The following POLR2B variants were observed in gnomAD, a reference collection of about 807,000 sequenced individuals.
The protein encoded by POLR2B is RNA polymerase II subunit B.
Under a neutral mutation model 144.6 loss-of-function variants are expected in POLR2B, and 57 were observed. The observed-to-expected ratio is 0.39, with a 90% CI of 0.32 to 0.49. POLR2B has a LOEUF of 0.49. POLR2B is among the 20% of genes least tolerant of loss of function. The pLI is 0.83. For synonymous variants in POLR2B, 442 were observed against 469.8 expected, an observed-to-expected ratio of 0.94 and a Z score of 0.77; for missense variants, 595 against 1,467.4, an observed-to-expected ratio of 0.41 and a Z score of 9.71.
At chr4:57,016,555 A>G (rs1723372082) in intron 14 of POLR2B, among the ~76,000 whole-genome samples, 1 of 151,822 alleles carries the variant, frequency 6.6e-6, no homozygotes, top group Non-Finnish European at 1.5e-5. Flanking sequence ...ATTAAAATCT[A>G]TTAATAGTAA....
chr4:56,988,560 G>A (rs577662981), intron 2 of POLR2B, among the ~76,000 whole-genome samples: 11 of 152,194 alleles, frequency 7.2e-5, no homozygotes, highest in African/African-American at 2.4e-4. Flanking sequence ...TTTTCATTGT[G>A]CCTGAGGTGA....
intron 18 of POLR2B, 77 bp downstream of exon 18, chr4:57,022,323 G>T (rs1723578613): frequency 9.5e-6 from 8 of 840,276 alleles, no homozygotes; most frequent in Non-Finnish European, 1.6e-5. Context: ...TTGATGGGTT[G>T]TGTCACCCTG....
chr4:56,991,206 T>C (rs1402731280), intron 3 of POLR2B, among the ~76,000 whole-genome samples: 1 of 152,184 alleles, frequency 6.6e-6, no homozygotes, highest in Non-Finnish European at 1.5e-5. Context: ...CGCTTTTTTC[T>C]CTCACAGTGT....
intron 3 of POLR2B, among the ~76,000 whole-genome samples, chr4:56,992,928 A>C (rs981406791): frequency 2.2e-4 from 34 of 152,262 alleles, no homozygotes; most frequent in Admixed American, 9.8e-4. Context: ...ATGAGGAATT[A>C]CTGAGAGACT....
chr4:56,999,417 C>T (rs575174058), intron 6 of POLR2B, among the ~76,000 whole-genome samples, 200 bp from the exon 7 acceptor site: 1 of 151,614 alleles, frequency 6.6e-6, no homozygotes, highest in Admixed American at 6.6e-5. Context: ...GTCTAAGTGA[C>T]CTGAGCCTGT....
chr4:56,987,171 A>C (rs1254879637), intron 2 of POLR2B, among the ~76,000 whole-genome samples: 2 of 152,214 alleles, frequency 1.3e-5, no homozygotes, highest in African/African-American at 4.8e-5. Flanking sequence ...TCAGTGCATC[A>C]TATCAGGAGG....
chr4:56,999,554 G>T, intron 6 of POLR2B, 63 bp from the exon 7 acceptor site: 1 of 1,041,040 alleles, frequency 9.6e-7, no homozygotes, highest in Non-Finnish European at 1.4e-6. Flanking sequence ...TAGTTCTCTT[G>T]GTGTTTTTAT....
intron 22 of POLR2B, 55 bp downstream of exon 22, chr4:57,025,054 A>G (rs746793716): frequency 1.2e-6 from 1 of 839,318 alleles, no homozygotes; most frequent in Non-Finnish European, 2.0e-6. Flanking sequence ...GTATGTGTGT[A>G]GTTTTATTCT....
intron 1 of POLR2B, chr4:56,985,323 A>C (rs1722285162): frequency 1.0e-6 from 1 of 985,302 alleles, no homozygotes; most frequent in Non-Finnish European, 1.2e-6. Flanking sequence ...GAGGAGGCGG[A>C]CCGCCCATTC....
chr4:56,987,367 A>C (rs1444973911), intron 2 of POLR2B, among the ~76,000 whole-genome samples: 9 of 146,638 alleles, frequency 6.1e-5, no homozygotes, highest in Non-Finnish European at 1.3e-4. Context: ...TGATAAAGTA[A>C]CATCCTGTAA....
Position 56,994,842 on chromosome 4 carries a change from T to G in POLR2B, c.552T>G (p.Tyr184Ter). ...LNECPLDPGG[Y>*]FIINGSEKVL... ...AATGCCCTTTGGATCCTGGTGGCTATTTCATTATTAATGGATCAGAAAAGG... is the reference window on the plus strand; with the variant it reads ...AATGCCCTTTGGATCCTGGTGGCTAGTTCATTATTAATGGATCAGAAAAGG... The change falls in exon 5 of 25, where the codon TAT becomes TAG. Residue 184 changes from tyrosine (Y) to a stop codon, truncating the protein, a stop_gained. Transcript: ENST00000314595. LOFTEE classifies it high-confidence loss of function. 1.2e-6 allele frequency: 2 copies of G among 1,602,100 alleles called. No homozygotes were observed. The highest frequency in any genetic ancestry group is 1.7e-6 in the Non-Finnish European group (2 of 1,169,700).
At chr4:57,030,513 G>T in intron 24 of POLR2B, 114 bp downstream of exon 24, 1 of 693,830 alleles carries the variant, frequency 1.4e-6, no homozygotes, top group Non-Finnish European at 2.3e-6. Flanking sequence ...AATTTTGATA[G>T]CATGCTTCTG....
chr4:56,982,689 A>T (rs966214506), intron 1 of POLR2B, among the ~76,000 whole-genome samples: 1 of 152,180 alleles, frequency 6.6e-6, no homozygotes, highest in African/African-American at 2.4e-5. Flanking sequence ...TATAGCATTT[A>T]CATTGTATTA....
rs374663905 is a variant in POLR2B at position 57,021,887 on chromosome 4, C to T, written c.2421-265C>T. ...TTATGTAATGGATTCTTAAATGTGT[C>T]GGAGGTTGGATTCATTGACCCCTGG... On this transcript the variant is annotated intron_variant, in intron 17 of 24. Transcript: ENST00000314595. Among the ~76,000 whole-genome samples, 290 of 152,184 alleles carry T rather than the reference C, an allele frequency of 1.9e-3. 1 individual carries two copies. Among genetic ancestry groups the T allele is most frequent in the African/African-American group, 6.7e-3 (280 of 41,522 alleles).
chr4:57,028,511 T>TA (rs1408812517), intron 23 of POLR2B, among the ~76,000 whole-genome samples: 2 of 152,216 alleles, frequency 1.3e-5, no homozygotes, highest in African/African-American at 4.8e-5. Context: ...TAAAACTATT[T>TA]ATTTTCACTG....
chr4:56,991,503 G>A (rs1325704511), intron 3 of POLR2B, among the ~76,000 whole-genome samples: 2 of 152,166 alleles, frequency 1.3e-5, no homozygotes, highest in Non-Finnish European at 2.9e-5. Flanking sequence ...GCAGCTGTTG[G>A]AACATATTGG....
At chr4:56,997,104 AAG>A (rs1346072970) in intron 6 of POLR2B, among the ~76,000 whole-genome samples, 3 of 152,202 alleles carry the variant, frequency 2.0e-5, no homozygotes, top group Admixed American at 1.3e-4. Flanking sequence ...AAAAGAAAAA[AAG>A]AGAAAAAAAA....
intron 5 of POLR2B, 63 bp downstream of exon 5, chr4:56,994,929 T>TTA: frequency 1.4e-6 from 1 of 725,732 alleles, no homozygotes; most frequent in Non-Finnish European, 2.0e-6. Flanking sequence ...AAAGTTGAAA[T>TTA]GAAAAAAAAA....
At chr4:57,025,146 C>T in intron 22 of POLR2B, 147 bp downstream of exon 22, 1 of 622,006 alleles carries the variant, frequency 1.6e-6, no homozygotes, top group Admixed American at 3.0e-5. Flanking sequence ...AAAGTAAACA[C>T]AGCTGCATGA....
Sources: allele counts gnomAD v4.1 joint callset (sites outside exome capture counted in the v4.1 genomes callset), GRCh38; gene constraint gnomAD v4.1.1; transcripts MANE v1.5; gene names NCBI Gene and HGNC (gene_info 2026-07-23, HGNC 2026-07-21).